Variants in DNM3 observed in about 807,000 individuals in gnomAD.
DNM3 encodes dynamin-3.
DNM3 carries 47 observed loss-of-function variants against 101.6 expected under a neutral mutation model. That is an observed-to-expected ratio of 0.46 (90% confidence interval 0.37 to 0.59). The LOEUF is 0.59. DNM3 is among the 20% of genes least tolerant of loss of function. The pLI is 0.00. For synonymous variants in DNM3, 385 were observed against 387.9 expected, an observed-to-expected ratio of 0.99 and a Z score of 0.09; for missense variants, 849 against 1,085.7, an observed-to-expected ratio of 0.78 and a Z score of 3.06.
intron 17 of DNM3, among the ~76,000 whole-genome samples, chr1:172,342,291 T>A (rs894934949): frequency 6.6e-6 from 1 of 152,102 alleles, no homozygotes; most frequent in African/African-American, 2.4e-5. Context: ...TGTTCTACCA[T>A]AAGGACACAT....
Position 172,246,705 on chromosome 1 carries a change from C to T in DNM3, c.1660-6868C>T, listed in dbSNP as rs149021263. Among the ~76,000 whole-genome samples, 218 of 152,210 alleles carry T rather than the reference C, an allele frequency of 1.4e-3. 3 individuals are homozygous for T. The East Asian group carries it at 0.038, about 27-fold the overall frequency. Reference sequence around the variant, plus strand: ...AGTGAAGAGTTTGAATTTACTCTGGCGGGCAATCCAGTGTCTCAGAAAATG... The same window carrying T: ...AGTGAAGAGTTTGAATTTACTCTGGTGGGCAATCCAGTGTCTCAGAAAATG... On this transcript the variant is annotated intron_variant, in intron 14 of 20. Coordinates refer to ENST00000627582, the MANE Select transcript of DNM3 (RefSeq NM_015569.5).
chr1:172,188,541 G>A (rs1485623700), intron 14 of DNM3, among the ~76,000 whole-genome samples: 2 of 151,980 alleles, frequency 1.3e-5, no homozygotes, highest in Non-Finnish European at 2.9e-5. Context: ...ATATTCCATT[G>A]TCTGGTTGTA....
At chr1:171,932,378 C>G (rs1026999373) in intron 2 of DNM3, among the ~76,000 whole-genome samples, 4 of 151,616 alleles carry the variant, frequency 2.6e-5, no homozygotes, top group African/African-American at 7.3e-5. Flanking sequence ...CTCCTAGGCT[C>G]AAGTGATCTT....
intron 1 of DNM3, among the ~76,000 whole-genome samples, chr1:171,893,107 C>T (rs2037444881): frequency 6.6e-6 from 1 of 152,150 alleles, no homozygotes; most frequent in African/African-American, 2.4e-5. Context: ...GGTCAACTAC[C>T]CTCTCCCCTT....
intron 2 of DNM3, among the ~76,000 whole-genome samples, chr1:171,968,996 C>T (rs2043798339): frequency 6.6e-6 from 1 of 152,086 alleles, no homozygotes; most frequent in Non-Finnish European, 1.5e-5. Flanking sequence ...GATGGAAAAA[C>T]ACTTTATTTC....
At position 172,352,838 on chromosome 1, in the gene DNM3, G is replaced by A. The variant is rs144613962; in HGVS notation, c.1894-26180G>A. On this transcript the variant is annotated intron_variant, in intron 17 of 20. Transcript: ENST00000627582. ...GCACCACCTGCCCTCTGAATCCTGA[G>A]TGATCCAGATCCTTTGGAGGACTTA... is the stretch of plus-strand genomic sequence containing the variant. Among the ~76,000 whole-genome samples the A allele has an allele frequency of 5.0e-3, 765 of 152,256 alleles. 4 individuals are homozygous for A. The highest frequency in any genetic ancestry group is 0.018 in the African/African-American group (731 of 41,560).
At chr1:172,226,465 T>C (rs1054598646) in intron 14 of DNM3, among the ~76,000 whole-genome samples, 1 of 152,198 alleles carries the variant, frequency 6.6e-6, no homozygotes, top group Admixed American at 6.5e-5. Context: ...CTCTTTTCTT[T>C]TTTGGACTGC....
At chr1:171,970,871 GTT>G (rs895749966) in intron 2 of DNM3, among the ~76,000 whole-genome samples, 3 of 151,976 alleles carry the variant, frequency 2.0e-5, no homozygotes, top group Non-Finnish European at 2.9e-5. Context: ...TCAGAATTCA[GTT>G]TTGTTTTCTG....
At chr1:172,230,738 G>T (rs927295373) in intron 14 of DNM3, among the ~76,000 whole-genome samples, 3 of 152,020 alleles carry the variant, frequency 2.0e-5, no homozygotes, top group Non-Finnish European at 4.4e-5. Flanking sequence ...TCTGTTTCCA[G>T]CACTCTACCA....
intron 15 of DNM3, 31 bp downstream of exon 15, chr1:172,253,713 A>AT: frequency 2.1e-6 from 3 of 1,459,118 alleles, no homozygotes; most frequent in East Asian, 2.5e-5. Context: ...CTGTCTTCAG[A>AT]TTTTTTTCCT....
intron 2 of DNM3, among the ~76,000 whole-genome samples, chr1:171,974,836 C>G (rs2044254433): frequency 6.6e-6 from 1 of 151,572 alleles, no homozygotes; most frequent in Non-Finnish European, 1.5e-5. Context: ...TCTTTTTTCT[C>G]CTCCTCCTTC....
At chr1:172,086,675 T>G (rs2053553437) in intron 12 of DNM3, among the ~76,000 whole-genome samples, 4 of 152,208 alleles carry the variant, frequency 2.6e-5, no homozygotes, top group Admixed American at 2.0e-4. Context: ...GGACCTTCAC[T>G]GTGGGTCCTA....
intron 10 of DNM3, 107 bp downstream of exon 10, chr1:172,048,857 G>T (rs917764357): frequency 2.2e-6 from 3 of 1,372,742 alleles, no homozygotes; most frequent in South Asian, 1.4e-5. Flanking sequence ...TATAGATGTT[G>T]TGTGTTTGCC....
intron 15 of DNM3, among the ~76,000 whole-genome samples, chr1:172,269,076 C>G (rs972920313): frequency 6.6e-6 from 1 of 152,098 alleles, no homozygotes; most frequent in Non-Finnish European, 1.5e-5. Context: ...TCTCTCTTCC[C>G]AAGGATTTAA....
intron 15 of DNM3, among the ~76,000 whole-genome samples, chr1:172,279,206 T>C (rs1002553909): frequency 6.6e-6 from 1 of 152,174 alleles, no homozygotes; most frequent in Admixed American, 6.6e-5. Flanking sequence ...CAGATTCTTA[T>C]AGTAAAAGCA....
intron 17 of DNM3, among the ~76,000 whole-genome samples, chr1:172,343,033 A>G (rs1044609995): frequency 2.0e-5 from 3 of 152,236 alleles, no homozygotes; most frequent in Non-Finnish European, 4.4e-5. Context: ...AGGCCTCCCT[A>G]AGGCGAAGGA....
intron 2 of DNM3, among the ~76,000 whole-genome samples, chr1:171,934,020 A>G (rs920211112): frequency 2.6e-5 from 4 of 152,212 alleles, no homozygotes; most frequent in South Asian, 2.1e-4. Context: ...TCTCATTTCC[A>G]TTAGTTCTGT....
chr1:172,256,366 T>C (rs2062398775), intron 15 of DNM3, among the ~76,000 whole-genome samples: 1 of 152,074 alleles, frequency 6.6e-6, no homozygotes, highest in South Asian at 2.1e-4. Context: ...TTTTAACTAG[T>C]GATTGAATAT....
At chr1:172,106,846 T>TC (rs2055063076) in intron 13 of DNM3, among the ~76,000 whole-genome samples, 1 of 115,616 alleles carries the variant, frequency 8.6e-6, no homozygotes, top group African/African-American at 3.8e-5. Context: ...GTAACATTAT[T>TC]CTTTTTTTTT....
Sources: gnomAD v4.1 joint callset for allele counts (sites outside exome capture counted in the v4.1 genomes callset) on GRCh38, gnomAD v4.1.1 for gene constraint, MANE v1.5 for transcripts, NCBI Gene and HGNC (gene_info 2026-07-23, HGNC 2026-07-21) for gene names.